The following PARD3B variants were observed in gnomAD, a reference collection of about 807,000 sequenced individuals.
PARD3B encodes the protein partitioning defective 3 homolog B.
In PARD3B, 103 loss-of-function variants were observed where a neutral mutation model predicts 130.2. That is an observed-to-expected ratio of 0.79 (90% CI 0.67 to 0.93). The LOEUF is 0.93. Among genes scored for constraint, PARD3B ranks in the 40% least tolerant of loss-of-function variants. The pLI, the probability that PARD3B is intolerant of heterozygous loss-of-function variation, is 0.00. For missense variants in PARD3B, 1,609 were observed against 1,499.2 expected, an observed-to-expected ratio of 1.07 and a Z score of -1.21; for synonymous variants, 583 against 553.2, an observed-to-expected ratio of 1.05 and a Z score of -0.76.
intron 2 of PARD3B, among the ~76,000 whole-genome samples, chr2:204,717,512 A>C (rs2038786340): frequency 6.6e-6 from 1 of 152,026 alleles, no homozygotes; most frequent in African/African-American, 2.4e-5. Context: ...ATGGTATTTC[A>C]GCTAGTTTAG....
intron 19 of PARD3B, among the ~76,000 whole-genome samples, chr2:205,417,606 G>C (rs2046824295): frequency 6.6e-6 from 1 of 152,226 alleles, no homozygotes; most frequent in South Asian, 2.1e-4. Context: ...CCAAAGGGTA[G>C]AGCAGACTTG....
At chr2:204,631,360 C>T (rs773152046) in intron 1 of PARD3B, among the ~76,000 whole-genome samples, 1 of 152,048 alleles carries the variant, frequency 6.6e-6, no homozygotes, top group African/African-American at 2.4e-5. Context: ...AGCAATTCTC[C>T]TGCCTCAGCC....
At chr2:204,938,072 G>C (rs571146874) in intron 2 of PARD3B, among the ~76,000 whole-genome samples, 1 of 152,294 alleles carries the variant, frequency 6.6e-6, no homozygotes, top group African/African-American at 2.4e-5. Flanking sequence ...CTGCCAGAGG[G>C]AGATGAAAAC....
At chr2:205,377,729 G>C in intron 18 of PARD3B, among the ~76,000 whole-genome samples, 1 of 149,166 alleles carries the variant, frequency 6.7e-6, no homozygotes, top group African/African-American at 2.5e-5. Flanking sequence ...AATCAGTTTT[G>C]ATATCGAGAC....
chr2:205,451,690 A>G (rs1306391076), intron 20 of PARD3B, among the ~76,000 whole-genome samples: 7 of 108,222 alleles, frequency 6.5e-5, no homozygotes, highest in African/African-American at 2.8e-4. Context: ...TGTAATAGGT[A>G]TATATATATA....
chr2:205,595,711 C>G (rs1161042054), intron 22 of PARD3B, among the ~76,000 whole-genome samples: 2 of 152,086 alleles, frequency 1.3e-5, no homozygotes, highest in Non-Finnish European at 2.9e-5. Flanking sequence ...AGGAATAAAT[C>G]AATAAATCAG....
chr2:205,119,111 A>G, intron 7 of PARD3B, 65 bp downstream of exon 7: 1 of 1,500,396 alleles, frequency 6.7e-7, no homozygotes, highest in Non-Finnish European at 8.9e-7. Flanking sequence ...GCATTACTGA[A>G]CTCATTATGA....
chr2:204,789,800 A>G (rs900919329), intron 2 of PARD3B, among the ~76,000 whole-genome samples: 1 of 152,046 alleles, frequency 6.6e-6, no homozygotes, highest in Non-Finnish European at 1.5e-5. Context: ...TCTACATACC[A>G]AGAACCTGTG....
rs554675877 is a variant in PARD3B at position 205,608,660 on chromosome 2, G to A, written c.3261-6796G>A. Reference sequence around the variant, plus strand: ...AATTATTTTAGCAGGACCATTTTTAGGACCATCTGATAGGATGAAACACTC... The same window carrying A: ...AATTATTTTAGCAGGACCATTTTTAAGACCATCTGATAGGATGAAACACTC... On this transcript the variant is annotated intron_variant, in intron 22 of 22. Transcript: ENST00000406610. Among the ~76,000 whole-genome samples the A allele has an allele frequency of 3.3e-5, 5 of 152,202 alleles. No individual in the cohort carries two copies. In the East Asian group the frequency reaches 7.7e-4, roughly 23 times the overall value.
intron 4 of PARD3B, among the ~76,000 whole-genome samples, chr2:205,062,757 T>A (rs1700134557): frequency 6.6e-6 from 1 of 152,190 alleles, no homozygotes; most frequent in Non-Finnish European, 1.5e-5. Flanking sequence ...GTACAGTATA[T>A]TTTTGTATCT....
At chr2:204,680,850 T>A (rs890069262) in intron 1 of PARD3B, among the ~76,000 whole-genome samples, 2 of 152,180 alleles carry the variant, frequency 1.3e-5, no homozygotes, top group African/African-American at 4.8e-5. Flanking sequence ...TTTTAAATGA[T>A]TTCAGACCTT....
Position 204,760,069 on chromosome 2 carries a change from T to C in PARD3B, c.222+73787T>C, listed in dbSNP as rs536289210. 1.2e-4 allele frequency among the ~76,000 whole-genome samples: 18 copies of C among 152,224 alleles called. No homozygotes were observed. The East Asian group carries it at 3.5e-3, about 29-fold the overall frequency. ...GGTATTACTCTGAAAACAGAACCCA[T>C]GCTGAGCATTAAAGTAGCCAAATAG... On this transcript the variant is annotated intron_variant, in intron 2 of 22. Coordinates refer to ENST00000406610, the MANE Select transcript of PARD3B (RefSeq NM_001302769.2).
chr2:204,987,818 G>C (rs1444847068), intron 3 of PARD3B, among the ~76,000 whole-genome samples: 1 of 152,042 alleles, frequency 6.6e-6, no homozygotes, highest in African/African-American at 2.4e-5. Flanking sequence ...CATTATCTGT[G>C]ATTCTTATAT....
intron 3 of PARD3B, among the ~76,000 whole-genome samples, chr2:204,973,608 C>G (rs537272599): frequency 6.7e-6 from 1 of 150,060 alleles, no homozygotes; most frequent in South Asian, 2.1e-4. Context: ...TAATTATTTA[C>G]AGAAGATCCA....
intron 21 of PARD3B, among the ~76,000 whole-genome samples, chr2:205,509,190 G>A (rs1353764185): frequency 6.6e-6 from 1 of 151,876 alleles, no homozygotes; most frequent in Admixed American, 6.6e-5. Flanking sequence ...TTAGAAGCTG[G>A]CAATTTAGAA....
rs999734999 is a variant in PARD3B at position 205,592,912 on chromosome 2, T to C, written c.3261-22544T>C. 9.2e-5 allele frequency among the ~76,000 whole-genome samples: 14 copies of C among 152,270 alleles called. No homozygotes were observed. Among genetic ancestry groups the C allele is most frequent in the African/African-American group, 3.4e-4 (14 of 41,476 alleles). Reference sequence around the variant, plus strand: ...GCAGCAGATGCCCCATGGCACTGACTCAGCCTTGAGCAGAAGCACTGTGTT... The same window carrying C: ...GCAGCAGATGCCCCATGGCACTGACCCAGCCTTGAGCAGAAGCACTGTGTT... On this transcript the variant is annotated intron_variant, in intron 22 of 22. Transcript: ENST00000406610. The surrounding 1 kb of genome is among the most constrained non-coding windows in gnomAD (Gnocchi z 4.5).
rs1159378988 is a variant in PARD3B, at chr2:205,618,969, G to GAT, written c.*3163_*3164dup. Reference sequence around the variant, plus strand: ...GAAGCTCATTATTCTTAGATCTGTAGATATATATGTGTTGACTCCCACAGG... The same window carrying GAT: ...GAAGCTCATTATTCTTAGATCTGTAGATATATATATGTGTTGACTCCCACAGG... On this transcript the variant is annotated 3_prime_UTR_variant, in exon 23 of 23. Coordinates refer to ENST00000406610, the MANE Select transcript of PARD3B (RefSeq NM_001302769.2). 1.3e-5 allele frequency: 2 copies of GAT among 152,170 alleles called. No individual in the cohort carries two copies. The highest frequency in any genetic ancestry group is 2.9e-5 in the Non-Finnish European group (2 of 68,034). 9.4% of individuals were successfully genotyped at this position (152,170 alleles called of 1,614,324 possible). A position where few individuals can be genotyped will look rare whatever the true frequency, so the allele number is the denominator to read the frequency against.
chr2:205,500,122 CAGATT>C, intron 21 of PARD3B, 91 bp downstream of exon 21: 4 of 1,401,978 alleles, frequency 2.9e-6, no homozygotes, highest in Non-Finnish European at 3.9e-6. Context: ...CTGTACATAC[CAGATT>C]CTATTTAGGT....
intron 1 of PARD3B, among the ~76,000 whole-genome samples, chr2:204,555,207 C>T (rs112117341): frequency 1.3e-5 from 2 of 152,246 alleles, no homozygotes; most frequent in African/African-American, 4.8e-5. Context: ...CTGCAGACTT[C>T]GCTCTGAATG....
Sources: allele counts gnomAD v4.1 joint callset (sites outside exome capture counted in the v4.1 genomes callset), GRCh38; gene constraint gnomAD v4.1.1; non-coding constraint Gnocchi (gnomAD v3.1); transcripts MANE v1.5; gene names NCBI Gene and HGNC (gene_info 2026-07-23, HGNC 2026-07-21).